The following PDGFRL variants were observed in gnomAD, a reference collection of about 807,000 sequenced individuals.
The protein encoded by PDGFRL is platelet-derived growth factor receptor-like protein.
Under a neutral mutation model 37.2 loss-of-function variants are expected in PDGFRL, and 46 were observed. That is an observed-to-expected ratio of 1.24 (90% CI 0.98 to 1.58). PDGFRL has a LOEUF of 1.58. Ranked by LOEUF, PDGFRL falls within the 40% of genes most tolerant of loss-of-function variation. PDGFRL has a pLI of 0.00. For synonymous variants in PDGFRL, 251 were observed against 184.3 expected (o/e 1.36, Z -2.93); for missense variants, 692 against 467.6 (o/e 1.48, Z -4.43).
At chr8:17,587,014 C>T (rs1303028494) in intron 1 of PDGFRL, among the ~76,000 whole-genome samples, 1 of 152,096 alleles carries the variant, frequency 6.6e-6, no homozygotes, top group Non-Finnish European at 1.5e-5. Context: ...GAAAAATAAC[C>T]AATTGACATA....
chr8:17,599,154 T>C (rs1430016440), intron 2 of PDGFRL, among the ~76,000 whole-genome samples: 1 of 152,224 alleles, frequency 6.6e-6, no homozygotes, highest in Non-Finnish European at 1.5e-5. Context: ...ATTTTATTTT[T>C]CCATAAATTA....
At chr8:17,610,785 C>G (rs1261366535) in intron 2 of PDGFRL, among the ~76,000 whole-genome samples, 10 of 152,116 alleles carry the variant, frequency 6.6e-5, no homozygotes, top group Non-Finnish European at 1.5e-4. Flanking sequence ...GTGGCGCATG[C>G]CTATAGTCTC....
chr8:17,628,308 A>C (rs1391031398), intron 3 of PDGFRL, among the ~76,000 whole-genome samples, 179 bp from the exon 4 acceptor site: 2 of 151,992 alleles, frequency 1.3e-5, no homozygotes, highest in African/African-American at 4.8e-5. Context: ...GTTTTCTTTA[A>C]GGAGACAGGA....
chr8:17,629,414 A>AT (rs1260406471), intron 4 of PDGFRL, among the ~76,000 whole-genome samples: 1 of 152,012 alleles, frequency 6.6e-6, no homozygotes, highest in African/African-American at 2.4e-5. Context: ...CCTTTAGAGC[A>AT]TCCTCCCAGC....
intron 1 of PDGFRL, among the ~76,000 whole-genome samples, chr8:17,584,446 G>A (rs77088089): frequency 0.029 from 4,353 of 152,172 alleles, 134 homozygotes; most frequent in Middle Eastern, 0.13. Flanking sequence ...AAATGCTGCA[G>A]GGGTCACGGG....
chr8:17,630,861 C>T (rs748221013), intron 4 of PDGFRL, among the ~76,000 whole-genome samples: 1 of 152,120 alleles, frequency 6.6e-6, no homozygotes, highest in Non-Finnish European at 1.5e-5. Context: ...CATGCAGCCT[C>T]GCCTTCTCCT....
intron 5 of PDGFRL, among the ~76,000 whole-genome samples, chr8:17,640,486 C>T (rs1391340830): frequency 6.6e-6 from 1 of 152,144 alleles, no homozygotes; most frequent in Non-Finnish European, 1.5e-5. Context: ...TGATACAGTG[C>T]TCTCCCCCTT....
intron 1 of PDGFRL, 110 bp from the exon 2 acceptor site, chr8:17,589,358 C>T: frequency 2.5e-6 from 2 of 790,058 alleles, no homozygotes; most frequent in Non-Finnish European, 4.1e-6. Flanking sequence ...TGCCCTCCAA[C>T]CTGGGCAATA....
chr8:17,626,106 A>G (rs2129788023), intron 3 of PDGFRL, among the ~76,000 whole-genome samples: 1 of 152,360 alleles, frequency 6.6e-6, no homozygotes, highest in Admixed American at 6.5e-5. Flanking sequence ...TTTTAAAACA[A>G]AAGTTGCCTC....
At position 17,577,229 on chromosome 8, in the gene PDGFRL, G is replaced by A. The variant is rs369602111; in HGVS notation, c.-24G>A. On this transcript the variant is annotated 5_prime_UTR_variant, in exon 1 of 6. Transcript: ENST00000251630. ...CCCCGCGCAGCCGCCGCGCTCCTGC[G>A]CTCCGAGGTCCGAGGTTCCCGAGAT... is the stretch of plus-strand genomic sequence containing the variant. The A allele has an allele frequency of 1.2e-6, 2 of 1,608,990 alleles. No homozygotes were observed. Among genetic ancestry groups the A allele is most frequent in the East Asian group, 2.2e-5 (1 of 44,692 alleles).
At chr8:17,641,412 G>C (rs894227537) in intron 5 of PDGFRL, among the ~76,000 whole-genome samples, 1 of 152,190 alleles carries the variant, frequency 6.6e-6, no homozygotes, top group Non-Finnish European at 1.5e-5. Context: ...ATCTCTGTGA[G>C]ACAAAGTCAG....
At chr8:17,616,849 G>A (rs759069092) in intron 2 of PDGFRL, among the ~76,000 whole-genome samples, 2 of 152,098 alleles carry the variant, frequency 1.3e-5, no homozygotes, top group African/African-American at 2.4e-5. Flanking sequence ...TCATTATCTT[G>A]TAACCCAAGG....
At chr8:17,581,034 C>T (rs934428729) in intron 1 of PDGFRL, among the ~76,000 whole-genome samples, 1 of 152,072 alleles carries the variant, frequency 6.6e-6, no homozygotes, top group Non-Finnish European at 1.5e-5. Flanking sequence ...CTCATGCTAA[C>T]TTGATTACAT....
At chr8:17,590,864 T>C (rs1262037271) in intron 2 of PDGFRL, among the ~76,000 whole-genome samples, 1 of 147,428 alleles carries the variant, frequency 6.8e-6, no homozygotes, top group African/African-American at 2.5e-5. Context: ...TTTCAACTGC[T>C]TCTCATTATT....
intron 3 of PDGFRL, among the ~76,000 whole-genome samples, chr8:17,622,267 T>C (rs1441005296): frequency 2.0e-5 from 3 of 152,218 alleles, no homozygotes; most frequent in Non-Finnish European, 4.4e-5. Flanking sequence ...CAGTAAGAGC[T>C]TTCAGGAATC....
At chr8:17,590,135 G>A (rs1803903740) in intron 2 of PDGFRL, among the ~76,000 whole-genome samples, 1 of 150,492 alleles carries the variant, frequency 6.6e-6, no homozygotes, top group Non-Finnish European at 1.5e-5. Flanking sequence ...GGAGGCTGAG[G>A]CAGGAGAATG....
At chr8:17,641,072 G>A (rs1805082139) in intron 5 of PDGFRL, among the ~76,000 whole-genome samples, 1 of 152,098 alleles carries the variant, frequency 6.6e-6, no homozygotes, top group Admixed American at 6.6e-5. Flanking sequence ...AGCAGTTACA[G>A]GCCTCACCCA....
intron 3 of PDGFRL, among the ~76,000 whole-genome samples, chr8:17,623,983 C>G (rs1230418245): frequency 1.3e-5 from 2 of 151,396 alleles, no homozygotes; most frequent in Admixed American, 6.6e-5. Context: ...ATATTCATTC[C>G]AACTATCAAG....
At chr8:17,638,473 C>A (rs7837933) in intron 5 of PDGFRL, among the ~76,000 whole-genome samples, 122,128 of 151,640 alleles carry the variant, frequency 0.81, 50,420 homozygotes, top group Non-Finnish European at 0.91. Context: ...GATATGGTCT[C>A]TCTTGGAGAA....
Sources: gnomAD v4.1 joint callset for allele counts (sites outside exome capture counted in the v4.1 genomes callset) on GRCh38, gnomAD v4.1.1 for gene constraint, MANE v1.5 for transcripts, NCBI Gene and HGNC (gene_info 2026-07-23, HGNC 2026-07-21) for gene names.